Variants in LDLRAD4 observed in about 807,000 individuals in gnomAD.
The protein encoded by LDLRAD4 is low-density lipoprotein receptor class A domain-containing protein 4.
In LDLRAD4, 5 loss-of-function variants were observed where a neutral mutation model predicts 17.0. That is an observed-to-expected ratio of 0.29 (90% CI 0.15 to 0.62). The LOEUF (loss-of-function observed/expected upper bound fraction) is 0.62. Among genes scored for constraint, LDLRAD4 ranks in the 20% least tolerant of loss-of-function variants. LDLRAD4 has a pLI of 0.84. For missense variants in LDLRAD4, 340 were observed against 424.7 expected, an observed-to-expected ratio of 0.80 and a Z score of 1.75; for synonymous variants, 168 against 171.8, an observed-to-expected ratio of 0.98 and a Z score of 0.17.
chr18:13,266,803 C>T (rs2044245831), intron 1 of LDLRAD4, among the ~76,000 whole-genome samples: 1 of 152,260 alleles, frequency 6.6e-6, no homozygotes, highest in Non-Finnish European at 1.5e-5. Flanking sequence ...GTGTAAGTTA[C>T]AGTTTCAGTC....
At chr18:13,554,504 G>A (rs1381594237) in intron 3 of LDLRAD4, among the ~76,000 whole-genome samples, 1 of 152,046 alleles carries the variant, frequency 6.6e-6, no homozygotes, top group Non-Finnish European at 1.5e-5. Flanking sequence ...TCATGTGTAA[G>A]GGTTGTGTGT....
intron 1 of LDLRAD4, among the ~76,000 whole-genome samples, chr18:13,266,920 A>G (rs1441501392): frequency 6.6e-6 from 1 of 152,262 alleles, no homozygotes; most frequent in African/African-American, 2.4e-5. Context: ...AGTGAGGTAG[A>G]AAATCTTTTA....
intron 1 of LDLRAD4, among the ~76,000 whole-genome samples, chr18:13,297,285 G>T (rs551056358): frequency 7.2e-5 from 11 of 152,306 alleles, no homozygotes; most frequent in South Asian, 2.1e-4. Context: ...CCGAGGTGGG[G>T]ATCATAGCAC....
chr18:13,278,112 A>G (rs528254865), exon 1 of LDLRAD4: 2 of 152,326 alleles, frequency 1.3e-5, no homozygotes, highest in African/African-American at 4.8e-5. Context: ...TAGCGGTTCA[A>G]GCTCTACGTT....
intron 1 of LDLRAD4, among the ~76,000 whole-genome samples, chr18:13,327,154 A>G (rs75824432): frequency 9.6e-4 from 146 of 152,164 alleles, no homozygotes; most frequent in Non-Finnish European, 1.9e-3. Context: ...GCAGAGTCCT[A>G]TCTGCAGGGC....
intron 1 of LDLRAD4, among the ~76,000 whole-genome samples, chr18:13,289,342 G>A (rs992643199): frequency 6.6e-6 from 1 of 152,182 alleles, no homozygotes; most frequent in East Asian, 1.9e-4. Context: ...TTGAGGCCTA[G>A]ACTATTTGTG....
intron 3 of LDLRAD4, chr18:13,461,497 A>G (rs2092426536): frequency 6.6e-6 from 1 of 152,260 alleles, no homozygotes; most frequent in African/African-American, 2.4e-5. Context: ...ACACACAAAC[A>G]AAGCAAGGAA....
chr18:13,457,765 G>C (rs1427170940), intron 3 of LDLRAD4, among the ~76,000 whole-genome samples: 2 of 152,166 alleles, frequency 1.3e-5, no homozygotes, highest in African/African-American at 2.4e-5. Context: ...CTGCTGTGAA[G>C]GCGGCTCCCC....
intron 1 of LDLRAD4, among the ~76,000 whole-genome samples, chr18:13,325,524 C>T (rs114178470): frequency 0.011 from 1,614 of 152,300 alleles, 33 homozygotes; most frequent in African/African-American, 0.036. Flanking sequence ...CCGCCCACCC[C>T]CTTTAAAGGG....
chr18:13,249,142 C>T (rs1658152609), intron 1 of LDLRAD4, among the ~76,000 whole-genome samples: 1 of 152,186 alleles, frequency 6.6e-6, no homozygotes. Context: ...TGTCTCTCTG[C>T]TCCTCTGTTG....
intron 3 of LDLRAD4, among the ~76,000 whole-genome samples, chr18:13,556,322 A>C (rs2094482965): frequency 6.6e-6 from 1 of 152,242 alleles, no homozygotes; most frequent in South Asian, 2.1e-4. Flanking sequence ...TGGAACAAGT[A>C]CTTCTGAGTT....
chr18:13,322,066 T>C (rs2081276773), intron 1 of LDLRAD4, among the ~76,000 whole-genome samples: 1 of 151,234 alleles, frequency 6.6e-6, no homozygotes, highest in South Asian at 2.1e-4. Context: ...ATTCACAGCA[T>C]AGAAAACTTT....
At chr18:13,597,072 GA>G (rs897085857) in intron 3 of LDLRAD4, among the ~76,000 whole-genome samples, 1 of 152,114 alleles carries the variant, frequency 6.6e-6, no homozygotes, top group Non-Finnish European at 1.5e-5. Context: ...TCAACCTAAA[GA>G]AATTCCTTTT....
At chr18:13,298,486 C>T (rs573348433) in intron 1 of LDLRAD4, among the ~76,000 whole-genome samples, 12 of 127,770 alleles carry the variant, frequency 9.4e-5, no homozygotes, top group South Asian at 8.0e-4. Context: ...GGAGCTGCTC[C>T]GGGCACGGTG....
chr18:13,315,038 G>A (rs1427662776), intron 1 of LDLRAD4, among the ~76,000 whole-genome samples: 1 of 152,126 alleles, frequency 6.6e-6, no homozygotes, highest in Non-Finnish European at 1.5e-5. Context: ...AAAGACTAGG[G>A]GAACCAAAAC....
intron 1 of LDLRAD4, among the ~76,000 whole-genome samples, chr18:13,234,054 C>A (rs147042089): frequency 6.6e-6 from 1 of 152,204 alleles, no homozygotes; most frequent in Non-Finnish European, 1.5e-5. Context: ...CTCCAGCGTT[C>A]GTCCCAATAT....
intron 1 of LDLRAD4, among the ~76,000 whole-genome samples, chr18:13,341,657 A>G (rs955626833): frequency 2.0e-5 from 3 of 152,108 alleles, no homozygotes; most frequent in Non-Finnish European, 2.9e-5. Flanking sequence ...GGCTTTCTAC[A>G]TATAAGATCA....
intron 2 of LDLRAD4, among the ~76,000 whole-genome samples, chr18:13,393,648 CCT>C (rs2086446085): frequency 6.6e-6 from 1 of 152,186 alleles, no homozygotes. Flanking sequence ...TCCGTTCTCT[CCT>C]CTCTCTAGTT....
At chr18:13,438,666 G>A (rs2090827886) in intron 3 of LDLRAD4, among the ~76,000 whole-genome samples, 1 of 152,244 alleles carries the variant, frequency 6.6e-6, no homozygotes, top group African/African-American at 2.4e-5. Context: ...TATTGATTTA[G>A]TATTCTTCAT....
Sources: allele counts gnomAD v4.1 joint callset (sites outside exome capture counted in the v4.1 genomes callset), GRCh38; gene constraint gnomAD v4.1.1; transcripts MANE v1.5; gene names NCBI Gene and HGNC (gene_info 2026-07-23, HGNC 2026-07-21).